FRMD4B: variants seen among roughly 807,000 people sequenced by gnomAD.
FRMD4B encodes the protein FERM domain containing 4B, also known as FERM domain-containing protein 4B.
A neutral mutation model predicts 141.5 loss-of-function variants in FRMD4B; 74 were observed. The ratio of observed to expected loss-of-function variants is 0.52; its 90% CI spans 0.43 to 0.63. FRMD4B has a LOEUF of 0.63. FRMD4B is among the 30% of genes least tolerant of loss of function. The pLI, the probability that FRMD4B is intolerant of heterozygous loss-of-function variation, is 0.00. For missense variants in FRMD4B, 1,366 were observed against 1,253.4 expected, an observed-to-expected ratio of 1.09 and a Z score of -1.36; for synonymous variants, 506 against 467.9, an observed-to-expected ratio of 1.08 and a Z score of -1.05.
At chr3:69,189,034 C>T (rs112035776) in intron 18 of FRMD4B, among the ~76,000 whole-genome samples, 5,704 of 151,588 alleles carry the variant, frequency 0.038, 267 homozygotes, top group African/African-American at 0.11. Context: ...CTAGCCTGAC[C>T]AACATGGTGA....
intron 1 of FRMD4B, among the ~76,000 whole-genome samples, chr3:69,351,656 G>A (rs1393371048): frequency 2.0e-5 from 3 of 152,180 alleles, no homozygotes; most frequent in African/African-American, 7.2e-5. Flanking sequence ...CAGAGATGCT[G>A]GAAATTAGGC....
chr3:69,432,027 T>C (rs371104188), intron 2 of FRMD4B, among the ~76,000 whole-genome samples: 1 of 152,216 alleles, frequency 6.6e-6, no homozygotes, highest in Non-Finnish European at 1.5e-5. Context: ...GCTATCATTA[T>C]GACAATGCTT....
chr3:69,203,588 G>C (rs1032475399), intron 11 of FRMD4B, among the ~76,000 whole-genome samples: 2 of 152,146 alleles, frequency 1.3e-5, no homozygotes, highest in Non-Finnish European at 2.9e-5. Context: ...GCCTTGGTTA[G>C]CATTCTGGTA....
Position 69,195,381 on chromosome 3 carries a change from G to A in FRMD4B, c.1235-17C>T. On this transcript the variant is annotated splice_polypyrimidine_tract_variant and intron_variant, in intron 14 of 22. Transcript: ENST00000398540. The stretch of plus-strand genomic sequence containing the variant: ...CTTGAGAACCTAGGGGATGAGGGAA[G>A]GGCAGGGAAGGTTTATACAAGGGAT... 6.3e-7 allele frequency: 1 copy of A among 1,594,596 alleles called. No individual in the cohort carries two copies. Among genetic ancestry groups the A allele is most frequent in the Non-Finnish European group, 8.5e-7 (1 of 1,173,330 alleles).
intron 1 of FRMD4B, among the ~76,000 whole-genome samples, chr3:69,370,243 C>A (rs1260787886): frequency 6.6e-6 from 1 of 150,980 alleles, no homozygotes; most frequent in Non-Finnish European, 1.5e-5. Flanking sequence ...CATAGAAATG[C>A]CAAAAAAAAG....
At chr3:69,186,941 G>T (rs904565653) in intron 19 of FRMD4B, among the ~76,000 whole-genome samples, 1 of 152,204 alleles carries the variant, frequency 6.6e-6, no homozygotes, top group African/African-American at 2.4e-5. Flanking sequence ...CCACTGGCCT[G>T]TCATGTTTCT....
intron 22 of FRMD4B, 131 bp from the exon 23 acceptor site, chr3:69,172,112 G>A: frequency 5.5e-6 from 4 of 722,480 alleles, no homozygotes; most frequent in African/African-American, 1.8e-5. Context: ...AGAGATAAGG[G>A]AAAGGAGAAG....
intron 18 of FRMD4B, 62 bp downstream of exon 18, chr3:69,189,834 A>C: frequency 9.8e-7 from 1 of 1,022,624 alleles, no homozygotes; most frequent in Non-Finnish European, 1.5e-6. Context: ...TAACTAAGAA[A>C]ATTATCTTAA....
chr3:69,226,693 G>T (rs1481206924), intron 7 of FRMD4B, among the ~76,000 whole-genome samples: 6 of 152,076 alleles, frequency 3.9e-5, no homozygotes, highest in Non-Finnish European at 5.9e-5. Flanking sequence ...TAGATCAGAA[G>T]TTGCTATTTA....
rs1161946166 is a variant in FRMD4B at position 69,169,363 on chromosome 3, T to TCC, written c.*2497_*2498insGG. The stretch of plus-strand genomic sequence containing the variant: ...AACTTCCATTTCTTTCTTTTTTTTT[T>TCC]TTTTTTTTTTTTCTTGAGACAAGGT... On this transcript the variant is annotated 3_prime_UTR_variant, in exon 23 of 23. Coordinates refer to ENST00000398540, the MANE Select transcript of FRMD4B (RefSeq NM_015123.3). 0.011 allele frequency among the ~76,000 whole-genome samples: 1,637 copies of TCC among 147,968 alleles called. 51 individuals carry two copies. The highest frequency in any genetic ancestry group is 0.04 in the African/African-American group (1,560 of 39,256).
At chr3:69,512,885 C>T (rs904423) in intron 1 of FRMD4B, among the ~76,000 whole-genome samples, 6,657 of 152,110 alleles carry the variant, frequency 0.044, 471 homozygotes, top group African/African-American at 0.15. Context: ...AAATATTACA[C>T]ACCAAAATTT....
chr3:69,384,932 C>T (rs1331239703), intron 1 of FRMD4B, among the ~76,000 whole-genome samples: 1 of 152,116 alleles, frequency 6.6e-6, no homozygotes, highest in Non-Finnish European at 1.5e-5. Context: ...AGCTATTCCA[C>T]ATCACAGGAA....
intron 1 of FRMD4B, among the ~76,000 whole-genome samples, chr3:69,345,330 G>A (rs1454314509): frequency 6.6e-6 from 1 of 152,216 alleles, no homozygotes; most frequent in African/African-American, 2.4e-5. Flanking sequence ...GGTAAGCAAA[G>A]CAGCCTGGAA....
chr3:69,196,110 A>G, intron 14 of FRMD4B, 145 bp downstream of exon 14: 1 of 638,812 alleles, frequency 1.6e-6, no homozygotes. Flanking sequence ...TTAAAATTTT[A>G]TTCAAAGCTG....
chr3:69,272,187 G>A (rs965414588), intron 5 of FRMD4B, among the ~76,000 whole-genome samples: 5 of 151,838 alleles, frequency 3.3e-5, no homozygotes, highest in South Asian at 2.1e-4. Flanking sequence ...TGTTGCCCAG[G>A]CTGGAGTGCA....
At chr3:69,246,945 A>G (rs1276515896) in intron 7 of FRMD4B, among the ~76,000 whole-genome samples, 2 of 152,296 alleles carry the variant, frequency 1.3e-5, no homozygotes, top group East Asian at 3.9e-4. Flanking sequence ...GCCTCAGGCA[A>G]GGGATCTTCC....
intron 2 of FRMD4B, among the ~76,000 whole-genome samples, chr3:69,432,436 C>A (rs1705196024): frequency 6.6e-6 from 1 of 152,044 alleles, no homozygotes; most frequent in South Asian, 2.1e-4. Flanking sequence ...AGGGGAGTAA[C>A]TTAATTTATT....
chr3:69,239,827 C>T (rs1004168676), intron 7 of FRMD4B, among the ~76,000 whole-genome samples: 44 of 151,984 alleles, frequency 2.9e-4, no homozygotes, highest in African/African-American at 6.0e-4. Flanking sequence ...GAAGCTGAGG[C>T]GGGTGGATTG....
At chr3:69,524,046 G>C (rs1700895506) in intron 1 of FRMD4B, among the ~76,000 whole-genome samples, 1 of 152,182 alleles carries the variant, frequency 6.6e-6, no homozygotes, top group Non-Finnish European at 1.5e-5. Context: ...TGTATAGGAA[G>C]GAACATATGC....
Sources: allele counts gnomAD v4.1 joint callset (sites outside exome capture counted in the v4.1 genomes callset), GRCh38; gene constraint gnomAD v4.1.1; transcripts MANE v1.5; gene names NCBI Gene and HGNC (gene_info 2026-07-23, HGNC 2026-07-21).